Variants in ARSK observed in about 807,000 individuals in gnomAD.
ARSK encodes the protein arylsulfatase K.
A neutral mutation model predicts 53.2 loss-of-function variants in ARSK; 37 were observed. The ratio of observed to expected loss-of-function variants is 0.70; its 90% CI spans 0.54 to 0.92. The LOEUF (loss-of-function observed/expected upper bound fraction) is 0.92, where lower values mean the gene tolerates loss of function less well. Ranked by LOEUF, ARSK falls within the 40% of genes least tolerant of loss-of-function variation. The pLI is 0.00. For synonymous variants in ARSK, 208 were observed against 223.2 expected (o/e 0.93, Z 0.61); for missense variants, 613 against 643.0 (o/e 0.95, Z 0.51).
At chr5:95,573,137 G>T (rs1748864221) in intron 3 of ARSK, among the ~76,000 whole-genome samples, 3 of 152,064 alleles carry the variant, frequency 2.0e-5, no homozygotes, top group Non-Finnish European at 4.4e-5. Context: ...CTGGTCTTAG[G>T]AATGTCACAC....
chr5:95,603,086 A>G, intron 7 of ARSK, 151 bp from the exon 8 acceptor site: 1 of 545,824 alleles, frequency 1.8e-6, no homozygotes, highest in Non-Finnish European at 3.0e-6. Flanking sequence ...CTGGTATGTT[A>G]TTTTACCATT....
intron 5 of ARSK, among the ~76,000 whole-genome samples, chr5:95,590,945 A>G (rs911894423): frequency 6.6e-6 from 1 of 152,208 alleles, no homozygotes; most frequent in African/African-American, 2.4e-5. Flanking sequence ...TTTGGGAGAA[A>G]AAGTAGCAGA....
chr5:95,570,821 A>G (rs1748816292), intron 3 of ARSK, among the ~76,000 whole-genome samples: 1 of 149,232 alleles, frequency 6.7e-6, no homozygotes, highest in Admixed American at 6.7e-5. Context: ...TCGCTCTGTC[A>G]CCCAGGCTGG....
At chr5:95,588,043 G>T (rs988807066) in intron 5 of ARSK, among the ~76,000 whole-genome samples, 36 of 151,976 alleles carry the variant, frequency 2.4e-4, no homozygotes, top group African/African-American at 8.5e-4. Flanking sequence ...TGATGTTAGA[G>T]AATGTCCTCC....
intron 3 of ARSK, among the ~76,000 whole-genome samples, chr5:95,578,303 C>T (rs896745067): frequency 1.3e-5 from 2 of 151,722 alleles, no homozygotes; most frequent in South Asian, 2.1e-4. Context: ...AGGCACATAC[C>T]GCCATGCCCA....
At chr5:95,599,037 C>T (rs990753082) in intron 6 of ARSK, among the ~76,000 whole-genome samples, 1 of 152,196 alleles carries the variant, frequency 6.6e-6, no homozygotes, top group Non-Finnish European at 1.5e-5. Context: ...TTCTTCATTG[C>T]ACTTACCACC....
At chr5:95,559,968 A>G (rs1748598895) in intron 1 of ARSK, among the ~76,000 whole-genome samples, 1 of 152,194 alleles carries the variant, frequency 6.6e-6, no homozygotes, top group African/African-American at 2.4e-5. Context: ...AAACTATTGA[A>G]CTAATAAATT....
rs764837877 is a variant in ARSK at position 95,591,574 on chromosome 5, C to A, written c.1045C>A (p.Leu349Ile). The change falls in exon 6 of 8, where the codon CTA becomes ATA. Residue 349 changes from leucine (L) to isoleucine (I), a missense_variant. Leu to Ile is a conservative substitution (Grantham distance 5). Transcript: ENST00000380009. ...LMMGPGIKAGLQVSNVVSLVD... is the reference protein window; with the variant it reads ...LMMGPGIKAGIQVSNVVSLVD... ...GATGGGACCAGGAATTAAAGCCGGCCTACAAGTATCAAATGTGGTTTCTCT... is the reference window on the plus strand; with the variant it reads ...GATGGGACCAGGAATTAAAGCCGGCATACAAGTATCAAATGTGGTTTCTCT... 1 of 1,614,142 alleles carries A rather than the reference C, an allele frequency of 6.2e-7. No individual in the cohort carries two copies. Among genetic ancestry groups the A allele is most frequent in the East Asian group, 2.2e-5 (1 of 44,880 alleles).
At chr5:95,558,008 G>T (rs1380877237) in intron 1 of ARSK, among the ~76,000 whole-genome samples, 1 of 152,186 alleles carries the variant, frequency 6.6e-6, no homozygotes, top group Non-Finnish European at 1.5e-5. Flanking sequence ...TTTTGACAGA[G>T]GTTTCACTCA....
In ARSK at chr5:95,602,944, T is replaced by C. The variant is rs1410780699; in HGVS notation, c.1322-293T>C. Among the ~76,000 whole-genome samples the C allele has an allele frequency of 2.6e-5, 4 of 152,256 alleles. No homozygotes were observed. In the East Asian group the frequency reaches 7.7e-4, roughly 29 times the overall value. On this transcript the variant is annotated intron_variant, in intron 7 of 7. Coordinates refer to ENST00000380009, the MANE Select transcript of ARSK (RefSeq NM_198150.3). ...GCAGGACATCAAAAACAGGAAGAAC[T>C]TGTTCTAAACCAGCTTACTAATGAT...
chr5:95,574,225 C>T (rs1748885019), intron 3 of ARSK, among the ~76,000 whole-genome samples: 1 of 152,150 alleles, frequency 6.6e-6, no homozygotes, highest in Non-Finnish European at 1.5e-5. Context: ...ATATGTACCA[C>T]ATTTTCTTTA....
chr5:95,600,872 GAACCTGAGTGGATACT>G lies in ARSK; in HGVS notation c.1123_1138del (p.Asn375LeufsTer25), dbSNP rs779726997. ...ATATTGCTGGAATTCCTCTGCCTCA[GAACCTGAGTGGATACT>G]CTTTGTTGCCGTTATCATCAGAAAC... is the stretch of plus-strand genomic sequence containing the variant. On this transcript the variant is annotated frameshift_variant, in exon 7 of 8. Transcript: ENST00000380009. LOFTEE classifies it high-confidence loss of function. The G allele has an allele frequency of 4.3e-6, 7 of 1,614,048 alleles. No individual in the cohort carries two copies. Among genetic ancestry groups the G allele is most frequent in the Non-Finnish European group, 5.9e-6 (7 of 1,179,922 alleles).
chr5:95,562,448 T>A lies in ARSK; in HGVS notation c.127-3550T>A, dbSNP rs79400062. 3.9e-5 allele frequency among the ~76,000 whole-genome samples: 6 copies of A among 152,254 alleles called. No homozygotes were observed. The East Asian group carries it at 1.2e-3, about 29-fold the overall frequency. On this transcript the variant is annotated intron_variant, in intron 1 of 7. Coordinates refer to ENST00000380009, the MANE Select transcript of ARSK (RefSeq NM_198150.3). ...AATCTCATTCAGTCTGATGGACAGA[T>A]CTGGGAAGAACACTATAAGCAGTCT...
At chr5:95,586,376 G>A (rs577058571) in intron 4 of ARSK, among the ~76,000 whole-genome samples, 186 bp from the exon 5 acceptor site, 2 of 151,940 alleles carry the variant, frequency 1.3e-5, no homozygotes, top group African/African-American at 4.8e-5. Context: ...TATACCTTTT[G>A]TTATGACAGT....
intron 5 of ARSK, among the ~76,000 whole-genome samples, chr5:95,588,580 G>A (rs1188904539): frequency 6.6e-6 from 1 of 151,988 alleles, no homozygotes; most frequent in Non-Finnish European, 1.5e-5. Context: ...ACTGTTCATT[G>A]TGTTTGTTAA....
Position 95,601,088 on chromosome 5 carries a change from AT to A in ARSK, c.1321+22del, listed in dbSNP as rs774511398. 3.1e-6 allele frequency: 5 copies of A among 1,589,696 alleles called. No individual in the cohort carries two copies. The highest frequency in any genetic ancestry group is 4.3e-6 in the Non-Finnish European group (5 of 1,158,148). ...AACTCTTTGGTAAGTTTGTTAATAT[AT>A]TTTTAAGTGTAATATTATGTGTAAT... On this transcript the variant is annotated intron_variant, in intron 7 of 7. Coordinates refer to ENST00000380009, the MANE Select transcript of ARSK (RefSeq NM_198150.3).
At chr5:95,592,923 C>T (rs764027201) in intron 6 of ARSK, among the ~76,000 whole-genome samples, 1 of 152,178 alleles carries the variant, frequency 6.6e-6, no homozygotes, top group Non-Finnish European at 1.5e-5. Context: ...GTAATGATCA[C>T]ACTCAGCCAT....
intron 3 of ARSK, among the ~76,000 whole-genome samples, chr5:95,575,101 G>A (rs940087426): frequency 6.6e-6 from 1 of 152,100 alleles, no homozygotes; most frequent in Non-Finnish European, 1.5e-5. Context: ...TGAAGAGACT[G>A]TTCCTTCCCC....
At chr5:95,602,688 C>A (rs17084924) in intron 7 of ARSK, among the ~76,000 whole-genome samples, 23,842 of 152,074 alleles carry the variant, frequency 0.16, 2,596 homozygotes, top group African/African-American at 0.31. Context: ...TATTTTCTTG[C>A]TGGCAGTGAT....
Sources: gnomAD v4.1 joint callset for allele counts (sites outside exome capture counted in the v4.1 genomes callset) on GRCh38, gnomAD v4.1.1 for gene constraint, MANE v1.5 for transcripts, NCBI Gene and HGNC (gene_info 2026-07-23, HGNC 2026-07-21) for gene names.